Variants in SYNJ1 observed in about 807,000 individuals in gnomAD.
SYNJ1 encodes the protein synaptojanin 1.
In SYNJ1, 78 loss-of-function variants were observed where a neutral mutation model predicts 168.2. The observed-to-expected ratio is 0.46, with a 90% confidence interval of 0.39 to 0.56. The LOEUF is 0.56. Among genes scored for constraint, SYNJ1 ranks in the 20% least tolerant of loss-of-function variants. The pLI is 0.00. For missense variants in SYNJ1, 1,303 were observed against 1,597.6 expected, an observed-to-expected ratio of 0.82 and a Z score of 3.14; for synonymous variants, 539 against 548.6, an observed-to-expected ratio of 0.98 and a Z score of 0.24.
rs375902516 is a variant in SYNJ1 at position 32,638,996 on chromosome 21, G to A, written c.3827C>T (p.Pro1276Leu). ...TGGTGGGGTTTCCAAATTTGGCTGG[G>A]GGCCAGACTGAGGCATAGGTGCTGC... ...PVAAPMPQSGPQPNLETPPQP... is the reference protein window; with the variant it reads ...PVAAPMPQSGLQPNLETPPQP... Residue 1276 changes from proline to leucine, a missense_variant, in exon 31 of 33, where the codon CCC becomes CTC. Physicochemically the swap from Pro to Leu is moderately conservative, Grantham distance 98. Coordinates refer to ENST00000674351, the MANE Select transcript of SYNJ1 (RefSeq NM_203446.3). 6.2e-7 allele frequency: 1 copy of A among 1,614,042 alleles called. No individual in the cohort carries two copies.
At chr21:32,642,877 T>C (rs1447313443) in intron 27 of SYNJ1, among the ~76,000 whole-genome samples, 1 of 152,186 alleles carries the variant, frequency 6.6e-6, no homozygotes, top group Non-Finnish European at 1.5e-5. Flanking sequence ...TTATAAGAAA[T>C]ACATCAGCCT....
Position 32,693,198 on chromosome 21 carries a change from T to G in SYNJ1, c.789+1030A>C, listed in dbSNP as rs141012974. On this transcript the variant is annotated intron_variant, in intron 6 of 32. Transcript: ENST00000674351. ...TCGCATCACATCAGGGTTTCAGCAA[T>G]GTTCTTAAAGCAAATACTCCAAACA... Among the ~76,000 whole-genome samples the G allele has an allele frequency of 3.4e-4, 51 of 152,064 alleles. 3 individuals carry two copies. The East Asian group carries it at 9.8e-3, about 29-fold the overall frequency.
chr21:32,702,760 C>T (rs2042452984), intron 2 of SYNJ1, among the ~76,000 whole-genome samples: 5 of 152,118 alleles, frequency 3.3e-5, no homozygotes, highest in Non-Finnish European at 7.4e-5. Flanking sequence ...TTTCCCTTTT[C>T]CATTATCTAC....
At position 32,678,665 on chromosome 21, in the gene SYNJ1, A is replaced by G. The variant is rs2041507427; in HGVS notation, c.1490T>C (p.Leu497Ser). ...SDLADKARAL[L>S]TTGSLRVSEQ... ...CATACCACGCAAACTTCCAGTAGTT[A>G]AAAGTGCTCGAGCTTTGTCAGCTAA... The change falls in exon 12 of 33, where the codon TTA becomes TCA. Residue 497 changes from leucine to serine, a missense_variant. Leu to Ser is a moderately radical substitution (Grantham distance 145). Coordinates refer to ENST00000674351, the MANE Select transcript of SYNJ1 (RefSeq NM_203446.3). 1 of 1,608,764 alleles carries G rather than the reference A, an allele frequency of 6.2e-7. No homozygotes were observed. Among genetic ancestry groups the G allele is most frequent in the Non-Finnish European group, 8.5e-7 (1 of 1,178,710 alleles).
chr21:32,700,194 A>G, intron 3 of SYNJ1, 89 bp from the exon 4 acceptor site: 1 of 1,415,668 alleles, frequency 7.1e-7, no homozygotes, highest in Non-Finnish European at 9.5e-7. Context: ...TTTAAATCTG[A>G]CATTGTGATT....
At chr21:32,675,293 CAA>C (rs1483213596) in intron 13 of SYNJ1, among the ~76,000 whole-genome samples, 2 of 151,916 alleles carry the variant, frequency 1.3e-5, no homozygotes, top group Non-Finnish European at 2.9e-5. Context: ...CTAATAAAGT[CAA>C]GTCAGTTTTT....
Position 32,685,890 on chromosome 21 carries a change from C to T in SYNJ1, c.976G>A (p.Ala326Thr). 1 of 1,609,004 alleles carries T rather than the reference C, an allele frequency of 6.2e-7. No individual in the cohort carries two copies. Among genetic ancestry groups the T allele is most frequent in the African/African-American group, 1.3e-5 (1 of 74,758 alleles). Reference protein sequence around the residue: ...QSHLKASEHAADIQMVNFDYH... With the variant: ...QSHLKASEHATDIQMVNFDYH... ...TCAAAATTCACCATCTGGATATCAG[C>T]AGCATGTTCAGAAGCTTTCAAATGA... The change falls in exon 9 of 33, where the codon GCT becomes ACT. Residue 326 changes from alanine to threonine, a missense_variant. Ala to Thr is a moderately conservative substitution (Grantham distance 58). Transcript: ENST00000674351.
chr21:32,635,305 T>A (rs149701276), intron 31 of SYNJ1, among the ~76,000 whole-genome samples: 275 of 152,242 alleles, frequency 1.8e-3, no homozygotes, highest in Non-Finnish European at 3.3e-3. Context: ...GATGAGGTCA[T>A]GAAGGTGGGA....
intron 21 of SYNJ1, among the ~76,000 whole-genome samples, chr21:32,655,256 C>T (rs2040413751): frequency 6.6e-6 from 1 of 152,214 alleles, no homozygotes; most frequent in East Asian, 1.9e-4. Context: ...CATTTATCTG[C>T]TACTCTGCTG....
chr21:32,681,406 C>T (rs774575888), intron 11 of SYNJ1, 90 bp downstream of exon 11: 21 of 1,384,334 alleles, frequency 1.5e-5, no homozygotes, highest in Admixed American at 2.4e-5. Context: ...TAATTTAAAC[C>T]ATCTATTAAC....
rs1403542780 is a variant in SYNJ1, at chr21:32,683,293, T to C, written c.1200+745A>G. Among the ~76,000 whole-genome samples, 6 of 151,732 alleles carry C rather than the reference T, an allele frequency of 4.0e-5. No individual in the cohort carries two copies. In the East Asian group the frequency reaches 1.2e-3, roughly 29 times the overall value. ...CATTGCTAAATAGTTTGTCAAAGAG[T>C]TGAGACTATGTTTATCTTAGGCTGA... On this transcript the variant is annotated intron_variant, in intron 10 of 32. Transcript: ENST00000674351.
At position 32,694,227 on chromosome 21, in the gene SYNJ1, C is replaced by T. The variant is rs2042124608; in HGVS notation, c.789+1G>A. ...AAAATAACTGAATGTCAAACACATA[C>T]TTGCAACCCTGGTTGCTCCCAGAAC... On this transcript the variant is annotated splice_donor_variant, in intron 6 of 32. Transcript: ENST00000674351. LOFTEE classifies it high-confidence loss of function. 3 of 1,530,850 alleles carry T rather than the reference C, an allele frequency of 2.0e-6. No homozygotes were observed. The highest frequency in any genetic ancestry group is 2.6e-6 in the Non-Finnish European group (3 of 1,147,634). 94.8% of individuals were successfully genotyped at this position (1,530,850 alleles called of 1,614,324 possible).
chr21:32,650,358 A>T lies in SYNJ1; in HGVS notation c.2875-12T>A, dbSNP rs1267950353. On this transcript the variant is annotated splice_polypyrimidine_tract_variant and intron_variant, in intron 22 of 32. Coordinates refer to ENST00000674351, the MANE Select transcript of SYNJ1 (RefSeq NM_203446.3). ...GTCCGATTCAATAACTAGCGGAGTAAAAGAGATATAAAATAAAGATTAACA... is the reference window on the plus strand; with the variant it reads ...GTCCGATTCAATAACTAGCGGAGTATAAGAGATATAAAATAAAGATTAACA... 6.3e-7 allele frequency: 1 copy of T among 1,582,508 alleles called. No individual in the cohort carries two copies. Among genetic ancestry groups the T allele is most frequent in the African/African-American group, 1.4e-5 (1 of 73,022 alleles).
chr21:32,685,640 A>G, intron 9 of SYNJ1, 108 bp downstream of exon 9: 1 of 682,950 alleles, frequency 1.5e-6, no homozygotes, highest in Non-Finnish European at 2.0e-6. Context: ...TTTAAAAGAT[A>G]TTTAATTATA....
chr21:32,663,326 A>G (rs1422895150), intron 18 of SYNJ1, among the ~76,000 whole-genome samples: 1 of 152,244 alleles, frequency 6.6e-6, no homozygotes, highest in Non-Finnish European at 1.5e-5. Context: ...CTGGGACAGA[A>G]ACTGTATAAT....
rs1486874784 is a variant in SYNJ1 at position 32,685,734 on chromosome 21, C to T, written c.1118+14G>A. On this transcript the variant is annotated intron_variant, in intron 9 of 32. Coordinates refer to ENST00000674351, the MANE Select transcript of SYNJ1 (RefSeq NM_203446.3). ...TGTTCCAATTCAAAGAACAGAGAAA[C>T]AGAACAGTCAAACCTTTGAACTTCA... 1.3e-6 allele frequency: 2 copies of T among 1,548,574 alleles called. No individual in the cohort carries two copies. The highest frequency in any genetic ancestry group is 2.3e-5 in the East Asian group (1 of 42,690).
At chr21:32,720,845 T>C (rs1004377814) in intron 2 of SYNJ1, among the ~76,000 whole-genome samples, 6 of 152,238 alleles carry the variant, frequency 3.9e-5, no homozygotes, top group African/African-American at 1.4e-4. Flanking sequence ...GACCTTTTCT[T>C]TACTCCATCT....
chr21:32,670,090 T>C (rs2041130112), intron 15 of SYNJ1, among the ~76,000 whole-genome samples, 198 bp downstream of exon 15: 1 of 152,188 alleles, frequency 6.6e-6, no homozygotes, highest in Non-Finnish European at 1.5e-5. Context: ...TTAGCAAAAG[T>C]TATTTAACAT....
At chr21:32,691,573 A>G (rs1184198222) in intron 6 of SYNJ1, among the ~76,000 whole-genome samples, 1 of 152,238 alleles carries the variant, frequency 6.6e-6, no homozygotes, top group Non-Finnish European at 1.5e-5. Flanking sequence ...AATGCTAAAC[A>G]ACTTCAGGGA....
Sources: allele counts gnomAD v4.1 joint callset (sites outside exome capture counted in the v4.1 genomes callset), GRCh38; gene constraint gnomAD v4.1.1; transcripts MANE v1.5; gene names NCBI Gene and HGNC (gene_info 2026-07-23, HGNC 2026-07-21).